PLXNA2: variants seen among roughly 807,000 people sequenced by gnomAD.
The protein encoded by PLXNA2 is plexin-A2.
Under a neutral mutation model 193.5 loss-of-function variants are expected in PLXNA2, and 91 were observed. That is an observed-to-expected ratio of 0.47 (90% CI 0.40 to 0.56). The LOEUF (loss-of-function observed/expected upper bound fraction) is 0.56, where lower values mean the gene tolerates loss of function less well. Ranked by LOEUF, PLXNA2 falls within the 20% of genes least tolerant of loss-of-function variation. The pLI is 0.00. For missense variants in PLXNA2, 1,995 were observed against 2,503.2 expected (o/e 0.80, Z 4.33); for synonymous variants, 997 against 1,027.3 (o/e 0.97, Z 0.56).
Position 208,217,030 on chromosome 1 carries a change from A to T in PLXNA2, c.893T>A (p.Phe298Tyr), listed in dbSNP as rs1344628166. Residue 298 changes from phenylalanine (F) to tyrosine (Y), a missense_variant, in exon 2 of 32, where the codon TTC (phenylalanine) becomes TAC (tyrosine). Physicochemically the swap from Phe to Tyr is conservative, Grantham distance 22 (BLOSUM62 3). Coordinates refer to ENST00000367033, the MANE Select transcript of PLXNA2 (RefSeq NM_025179.4). The surrounding 1 kb of genome is among the most constrained non-coding windows in gnomAD (Gnocchi z 4.7). ...TTCCACCCCGGCCCGGGTGCAGCCG[A>T]AGGGCAGGGACACGTATGAGTGGAA... ...PKFHSYVSLP[F>Y]GCTRAGVEYR... is the part of the protein sequence containing the mutation. 6.2e-7 allele frequency: 1 copy of T among 1,612,036 alleles called. No individual in the cohort carries two copies. The highest frequency in any genetic ancestry group is 2.2e-5 in the East Asian group (1 of 44,846).
intron 4 of PLXNA2, among the ~76,000 whole-genome samples, chr1:208,128,695 CTTTTTT>C (rs34853346): frequency 3.7e-5 from 3 of 81,672 alleles, no homozygotes; most frequent in South Asian, 1.1e-3. Flanking sequence ...CTGTTTCTTT[CTTTTTT>C]TTTTTTTTTT....
intron 1 of PLXNA2, among the ~76,000 whole-genome samples, chr1:208,239,940 G>A (rs932026802): frequency 4.6e-5 from 7 of 152,200 alleles, no homozygotes; most frequent in African/African-American, 1.4e-4. Flanking sequence ...ATGTTAAGCT[G>A]GGGTGAAGGG....
rs2274447 is a variant in PLXNA2 at position 208,054,469 on chromosome 1, C to T, written c.2808G>A (p.Glu936=). The T allele has an allele frequency of 5.6e-3, 9,067 of 1,614,226 alleles. 109 individuals carry two copies. The highest frequency in any genetic ancestry group is 0.039 in the East Asian group (1,744 of 44,882). ...ACTTCGTCATGAACTCTGGCTTACACTCGCCAATACACAGGCGTACTGGCC... is the reference window on the plus strand; with the variant it reads ...ACTTCGTCATGAACTCTGGCTTACATTCGCCAATACACAGGCGTACTGGCC... The part of the protein sequence containing the change: ...TSGPVRLCIG[E]CKPEFMTKSH... The change falls in exon 14 of 32, where the codon GAG becomes GAA. Residue 936 remains glutamate (E), a synonymous_variant. Transcript: ENST00000367033.
intron 1 of PLXNA2, among the ~76,000 whole-genome samples, chr1:208,239,595 C>T (rs551506119): frequency 5.9e-4 from 90 of 152,304 alleles, no homozygotes; most frequent in Non-Finnish European, 9.7e-4. Flanking sequence ...TCACTTCAAA[C>T]GGCCAAAACA....
At chr1:208,137,188 G>A (rs527695204) in intron 4 of PLXNA2, among the ~76,000 whole-genome samples, 2 of 152,266 alleles carry the variant, frequency 1.3e-5, no homozygotes, top group South Asian at 2.1e-4. Context: ...CCTTTCTGCT[G>A]TTCCCAAGGC....
At chr1:208,211,692 C>CAA (rs10561845) in intron 2 of PLXNA2, among the ~76,000 whole-genome samples, 11 of 116,326 alleles carry the variant, frequency 9.5e-5, no homozygotes, top group Non-Finnish European at 1.2e-4. Flanking sequence ...GACTCCGTCT[C>CAA]AAAAAAAAAA....
chr1:208,108,828 G>C (rs1667363370), intron 4 of PLXNA2, among the ~76,000 whole-genome samples: 1 of 152,168 alleles, frequency 6.6e-6, no homozygotes, highest in African/African-American at 2.4e-5. Context: ...GACCGTCGTG[G>C]CTCAGAGGAC....
In PLXNA2 at chr1:208,092,866, G is replaced by A. The variant is rs1163493837; in HGVS notation, c.2017C>T (p.His673Tyr). 6.2e-7 allele frequency: 1 copy of A among 1,614,064 alleles called. No homozygotes were observed. Residue 673 changes from histidine to tyrosine, a missense_variant, in exon 9 of 32, where the codon CAT becomes TAT. Around this residue, in one of 3 missense-constraint regions of PLXNA2, gnomAD observed 1,291 missense variants for 1,673.6 expected, o/e 0.77. Transcript: ENST00000367033. The stretch of plus-strand genomic sequence containing the variant: ...CAGAGGTTGCGGTACTTGCACCAAT[G>A]GCAGCGGAAGGCGCTGTTGACACAG... ...LSCVNSAFRC[H>Y]WCKYRNLCTH...
At position 208,027,220 on chromosome 1, in the gene PLXNA2, C is replaced by T. The variant is rs1252012854; in HGVS notation, c.*23G>A. ...TGACAGCTTGGACAGGTCCCTCTTC[C>T]CAGGAATGCGAGGCTCCTCCTCTCA... On this transcript the variant is annotated 3_prime_UTR_variant, in exon 32 of 32. Transcript: ENST00000367033. 1 of 1,596,710 alleles carries T rather than the reference C, an allele frequency of 6.3e-7. No homozygotes were observed. Among genetic ancestry groups the T allele is most frequent in the East Asian group, 2.2e-5 (1 of 44,746 alleles).
chr1:208,220,669 C>T (rs1443963436), intron 1 of PLXNA2, among the ~76,000 whole-genome samples: 1 of 151,456 alleles, frequency 6.6e-6, no homozygotes, highest in Non-Finnish European at 1.5e-5. Flanking sequence ...CTCTCAATCT[C>T]CTGACCTCGT....
rs1435192488 is a variant in PLXNA2, at chr1:208,106,355, C to T, written c.1507-3108G>A. ...CCTCCATCCAGGCCAGTGCTAGGCA[C>T]TTCAGAATAAAAACAACGACAGCAT... On this transcript the variant is annotated intron_variant, in intron 4 of 31. Coordinates refer to ENST00000367033, the MANE Select transcript of PLXNA2 (RefSeq NM_025179.4). 5.3e-5 allele frequency among the ~76,000 whole-genome samples: 8 copies of T among 152,082 alleles called. 1 individual carries two copies. Among genetic ancestry groups the T allele is most frequent in the Admixed American group, 3.9e-4 (6 of 15,278 alleles).
Position 208,098,888 on chromosome 1 carries a change from T to C in PLXNA2, c.1689A>G (p.Ala563=), listed in dbSNP as rs1319608710. 2.9e-5 allele frequency: 46 copies of C among 1,613,880 alleles called. No individual in the cohort carries two copies. The highest frequency in any genetic ancestry group is 3.8e-5 in the Non-Finnish European group (45 of 1,179,998). Residue 563 remains alanine, a synonymous_variant, in exon 6 of 32, where the codon GCA becomes GCG. Transcript: ENST00000367033. ...ATACTGAGATGCTGCTGGGATGCAC[T>C]GCAAGGCTCACACACTGGCTGATGC... is the stretch of plus-strand genomic sequence containing the variant. ...AASISQCVSL[A]VHPSSISVSE... is the part of the protein sequence containing the mutation.
chr1:208,071,937 A>G (rs1239065076), intron 12 of PLXNA2, among the ~76,000 whole-genome samples: 1 of 152,152 alleles, frequency 6.6e-6, no homozygotes, highest in East Asian at 1.9e-4. Flanking sequence ...AATACTTTTA[A>G]ATGTCCCACA....
intron 1 of PLXNA2, among the ~76,000 whole-genome samples, chr1:208,227,197 A>T (rs1224605274): frequency 2.6e-5 from 4 of 152,348 alleles, no homozygotes; most frequent in African/African-American, 9.6e-5. Flanking sequence ...AATGACCATG[A>T]GTAGCAAATT....
intron 4 of PLXNA2, among the ~76,000 whole-genome samples, chr1:208,135,400 C>A (rs2102473086): frequency 6.6e-6 from 1 of 152,264 alleles, no homozygotes; most frequent in African/African-American, 2.4e-5. Flanking sequence ...CAAGATGAGA[C>A]AATATTGCCA....
chr1:208,194,976 C>T (rs943193457), intron 3 of PLXNA2, among the ~76,000 whole-genome samples: 3 of 152,248 alleles, frequency 2.0e-5, no homozygotes, highest in East Asian at 1.9e-4. Context: ...CCAGAGTCCA[C>T]GCTGAAGTTT....
rs148386352 is a variant in PLXNA2, at chr1:208,217,635, C to A, written c.288G>T (p.Pro96=). ...GPEEDNKSCY[P]PLIVQPCSEV... ...CGCTGCAGGGCTGCACGATGAGGGG[C>A]GGGTAACAAGACTTGTTGTCCTCTT... The change falls in exon 2 of 32, where the codon CCG becomes CCT. Residue 96 remains proline (P), a synonymous_variant. Coordinates refer to ENST00000367033, the MANE Select transcript of PLXNA2 (RefSeq NM_025179.4). The surrounding 1 kb of genome is among the most constrained non-coding windows in gnomAD (Gnocchi z 4.7). 13 of 1,614,012 alleles carry A rather than the reference C, an allele frequency of 8.1e-6. No homozygotes were observed. The African/African-American group carries it at 1.7e-4, about 22-fold the overall frequency.
chr1:208,228,206 C>T (rs1279120465), intron 1 of PLXNA2, among the ~76,000 whole-genome samples: 1 of 152,162 alleles, frequency 6.6e-6, no homozygotes, highest in Non-Finnish European at 1.5e-5. Context: ...CTCCAGTGAC[C>T]TCACATGGCT....
At chr1:208,173,965 C>T (rs958332569) in intron 3 of PLXNA2, among the ~76,000 whole-genome samples, 3 of 152,204 alleles carry the variant, frequency 2.0e-5, no homozygotes, top group Non-Finnish European at 4.4e-5. Context: ...CATGTGCGCA[C>T]CCCCACTCAC....
Sources: gnomAD v4.1 joint callset for allele counts (sites outside exome capture counted in the v4.1 genomes callset) on GRCh38, gnomAD v4.1.1 for gene constraint, gnomAD v4.1.1 regional missense constraint, Gnocchi (gnomAD v3.1) non-coding constraint, MANE v1.5 for transcripts, NCBI Gene and HGNC (gene_info 2026-07-23, HGNC 2026-07-21) for gene names.